The following ST3GAL3 variants were observed in gnomAD, a reference collection of about 807,000 sequenced individuals.
The protein encoded by ST3GAL3 is CMP-N-acetylneuraminate-beta-1,4-galactoside alpha-2,3-sialyltransferase.
ST3GAL3 carries 21 observed loss-of-function variants against 50.1 expected under a neutral mutation model. The observed-to-expected ratio is 0.42, with a 90% confidence interval of 0.30 to 0.60. The LOEUF (loss-of-function observed/expected upper bound fraction) is 0.60, where lower values mean the gene tolerates loss of function less well. ST3GAL3 is among the 20% of genes least tolerant of loss of function. The probability of loss-of-function intolerance (pLI) is 0.19; values close to 1 mark genes in which losing one functional copy is unlikely to be tolerated. For synonymous variants in ST3GAL3, 183 were observed against 190.0 expected, an observed-to-expected ratio of 0.96 and a Z score of 0.30; for missense variants, 353 against 489.4, an observed-to-expected ratio of 0.72 and a Z score of 2.63.
chr1:43,741,733 A>G (rs1681014267), intron 2 of ST3GAL3, among the ~76,000 whole-genome samples: 1 of 152,186 alleles, frequency 6.6e-6, no homozygotes, highest in African/African-American at 2.4e-5. Context: ...ATAAAACTGG[A>G]CAAAAGAAAT....
At chr1:43,902,676 C>A (rs1045564024) in intron 9 of ST3GAL3, among the ~76,000 whole-genome samples, 4 of 152,154 alleles carry the variant, frequency 2.6e-5, no homozygotes, top group Non-Finnish European at 5.9e-5. Flanking sequence ...CAGAAGAGCA[C>A]CAGCGGATGG....
At chr1:43,819,069 T>C (rs1452369646) in intron 4 of ST3GAL3, 1 of 152,254 alleles carries the variant, frequency 6.6e-6, no homozygotes, top group Non-Finnish European at 1.5e-5. Flanking sequence ...AATAAAACTT[T>C]ATTTATGGAC....
intron 3 of ST3GAL3, among the ~76,000 whole-genome samples, chr1:43,808,755 T>G (rs2060199009): frequency 6.6e-6 from 1 of 152,164 alleles, no homozygotes; most frequent in Non-Finnish European, 1.5e-5. Flanking sequence ...CAGTTCCCCC[T>G]TGGACTTGTC....
intron 4 of ST3GAL3, among the ~76,000 whole-genome samples, chr1:43,837,195 G>A (rs950053759): frequency 2.0e-5 from 3 of 152,116 alleles, no homozygotes; most frequent in African/African-American, 7.2e-5. Context: ...TGATGTGAGG[G>A]GAAGGGGGAG....
At chr1:43,805,939 T>C (rs563998687) in intron 3 of ST3GAL3, among the ~76,000 whole-genome samples, 80 of 152,308 alleles carry the variant, frequency 5.3e-4, no homozygotes, top group African/African-American at 1.9e-3. Context: ...TTTCACCGTG[T>C]TGGTCAGGCT....
intron 9 of ST3GAL3, among the ~76,000 whole-genome samples, chr1:43,917,559 T>C (rs1301970352): frequency 1.2e-5 from 1 of 86,030 alleles, no homozygotes; most frequent in Non-Finnish European, 2.1e-5. Flanking sequence ...ATATATAATA[T>C]ATTATATTAT....
intron 2 of ST3GAL3, among the ~76,000 whole-genome samples, chr1:43,740,875 GGA>G (rs1191131065): frequency 7.4e-5 from 11 of 149,510 alleles, no homozygotes; most frequent in Admixed American, 6.7e-4. Context: ...GGAGGAAGAG[GGA>G]GAGAGAGAGA....
At chr1:43,858,874 G>C (rs1482839743) in intron 5 of ST3GAL3, among the ~76,000 whole-genome samples, 2 of 152,342 alleles carry the variant, frequency 1.3e-5, no homozygotes, top group Middle Eastern at 3.4e-3. Context: ...TGTGGAGGCA[G>C]GACATGAGTC....
chr1:43,875,992 G>T (rs1423973736), intron 5 of ST3GAL3, among the ~76,000 whole-genome samples: 1 of 148,452 alleles, frequency 6.7e-6, no homozygotes, highest in Non-Finnish European at 1.5e-5. Flanking sequence ...TTTTGAGACA[G>T]GGTCTCACTC....
chr1:43,796,905 T>C (rs1558337635), intron 3 of ST3GAL3, among the ~76,000 whole-genome samples: 2 of 152,228 alleles, frequency 1.3e-5, no homozygotes, highest in Non-Finnish European at 2.9e-5. Flanking sequence ...AAGTAAAGGT[T>C]AGGTGCAGTG....
intron 5 of ST3GAL3, chr1:43,879,066 G>T (rs1345601302): frequency 2.2e-6 from 1 of 456,308 alleles, no homozygotes; most frequent in South Asian, 1.5e-5. Flanking sequence ...AATGACTGCG[G>T]CAGGAAACCC....
intron 3 of ST3GAL3, among the ~76,000 whole-genome samples, chr1:43,799,894 T>C (rs1004722809): frequency 6.6e-6 from 1 of 152,196 alleles, no homozygotes; most frequent in African/African-American, 2.4e-5. Context: ...CAGTTGATGC[T>C]GTGAATAGGA....
chr1:43,747,988 C>T (rs1417661189), intron 2 of ST3GAL3, among the ~76,000 whole-genome samples: 1 of 152,032 alleles, frequency 6.6e-6, no homozygotes, highest in Non-Finnish European at 1.5e-5. Flanking sequence ...TGTTGGTTCC[C>T]CTGGTAACCA....
intron 5 of ST3GAL3, among the ~76,000 whole-genome samples, chr1:43,848,441 G>T (rs2154210482): frequency 6.6e-6 from 1 of 151,946 alleles, no homozygotes; most frequent in African/African-American, 2.4e-5. Context: ...GAGTAGCTGG[G>T]ATTACAAGCA....
At chr1:43,723,038 C>T (rs1231057919) in intron 1 of ST3GAL3, among the ~76,000 whole-genome samples, 2 of 151,876 alleles carry the variant, frequency 1.3e-5, no homozygotes, top group East Asian at 3.9e-4. Context: ...GGTGCAGTCC[C>T]TGCATAATGA....
intron 2 of ST3GAL3, among the ~76,000 whole-genome samples, chr1:43,743,935 A>G (rs1682317535): frequency 6.8e-6 from 1 of 147,724 alleles, no homozygotes; most frequent in African/African-American, 2.5e-5. Flanking sequence ...GGCCAATGGT[A>G]TGTTTTGATT....
intron 9 of ST3GAL3, chr1:43,912,772 T>A (rs2081155291): frequency 6.6e-6 from 1 of 152,252 alleles, no homozygotes; most frequent in Admixed American, 6.5e-5. Context: ...TGCTCCTGGA[T>A]GTTCTGACAA....
At chr1:43,832,825 G>A (rs2063724470) in intron 4 of ST3GAL3, among the ~76,000 whole-genome samples, 1 of 152,162 alleles carries the variant, frequency 6.6e-6, no homozygotes, top group Admixed American at 6.5e-5. Flanking sequence ...TCTAGTACTT[G>A]GAGAAAGGCA....
At chr1:43,779,116 A>G (rs1008688694) in intron 2 of ST3GAL3, among the ~76,000 whole-genome samples, 4 of 149,660 alleles carry the variant, frequency 2.7e-5, no homozygotes, top group African/African-American at 9.9e-5. Flanking sequence ...TAATTTTTGT[A>G]TATTTGGTAG....
Sources: gnomAD v4.1 joint callset for allele counts (sites outside exome capture counted in the v4.1 genomes callset) on GRCh38, gnomAD v4.1.1 for gene constraint, MANE v1.5 for transcripts, NCBI Gene and HGNC (gene_info 2026-07-23, HGNC 2026-07-21) for gene names.